NKAIN2: variants seen among roughly 807,000 people sequenced by gnomAD.
NKAIN2 encodes the protein sodium/potassium-transporting ATPase subunit beta-1-interacting protein 2.
Under a neutral mutation model 32.6 loss-of-function variants are expected in NKAIN2, and 14 were observed. That is an observed-to-expected ratio of 0.43 (90% CI 0.28 to 0.67). The LOEUF (loss-of-function observed/expected upper bound fraction) is 0.67, where lower values mean the gene tolerates loss of function less well. Among genes scored for constraint, NKAIN2 ranks in the 30% least tolerant of loss-of-function variants. The pLI is 0.17. For missense variants in NKAIN2, 198 were observed against 258.3 expected (o/e 0.77, Z 1.60); for synonymous variants, 80 against 87.2 (o/e 0.92, Z 0.46).
At chr6:124,823,093 C>A (rs548568264) in intron 6 of NKAIN2, 127 bp from the exon 7 acceptor site, 2 of 761,004 alleles carry the variant, frequency 2.6e-6, no homozygotes, top group East Asian at 2.5e-5. Flanking sequence ...TATTTAAAAC[C>A]CAATTTGGGC....
chr6:124,779,241 CAAAGAAAG>C (rs1374452849), intron 4 of NKAIN2, among the ~76,000 whole-genome samples: 1,022 of 90,954 alleles, frequency 0.011, 83 homozygotes, highest in African/African-American at 0.038. Context: ...CAGACTCCAA[CAAAGAAAG>C]AGAGAGAGAG....
chr6:124,539,581 G>A (rs1006453402), intron 3 of NKAIN2, among the ~76,000 whole-genome samples: 18 of 151,836 alleles, frequency 1.2e-4, no homozygotes, highest in African/African-American at 4.1e-4. Context: ...TTAAAAACAA[G>A]TAAGAAGAAT....
At chr6:124,432,606 C>A (rs1775265180) in intron 3 of NKAIN2, among the ~76,000 whole-genome samples, 1 of 151,872 alleles carries the variant, frequency 6.6e-6, no homozygotes, top group South Asian at 2.1e-4. Context: ...AGACCTGACT[C>A]AAAAATCTAA....
intron 1 of NKAIN2, among the ~76,000 whole-genome samples, chr6:123,868,115 A>G (rs558032067): frequency 1.6e-3 from 239 of 152,036 alleles, no homozygotes; most frequent in African/African-American, 3.4e-3. Flanking sequence ...TGATCTGCCC[A>G]CCTTGGCCTC....
intron 1 of NKAIN2, among the ~76,000 whole-genome samples, chr6:123,893,511 A>G (rs1192626310): frequency 1.3e-5 from 2 of 152,182 alleles, no homozygotes; most frequent in Non-Finnish European, 2.9e-5. Flanking sequence ...CTAGCCTAAT[A>G]TAGAATCTTA....
At chr6:124,121,097 G>A (rs1324156354) in intron 1 of NKAIN2, among the ~76,000 whole-genome samples, 2 of 152,088 alleles carry the variant, frequency 1.3e-5, no homozygotes, top group Non-Finnish European at 2.9e-5. Flanking sequence ...CAAACGGATA[G>A]AAATTTAACC....
intron 1 of NKAIN2, among the ~76,000 whole-genome samples, chr6:123,861,837 T>A (rs1775797138): frequency 6.6e-6 from 1 of 152,164 alleles, no homozygotes; most frequent in African/African-American, 2.4e-5. Flanking sequence ...TTAATTTTCC[T>A]TTAATTTATT....
chr6:124,394,338 T>C (rs1472186476), intron 3 of NKAIN2, among the ~76,000 whole-genome samples: 9 of 152,144 alleles, frequency 5.9e-5, no homozygotes, highest in African/African-American at 1.9e-4. Flanking sequence ...ACTCTTTTTC[T>C]TGGCTTCCTT....
intron 1 of NKAIN2, among the ~76,000 whole-genome samples, chr6:124,082,415 T>C (rs1275720469): frequency 1.3e-5 from 2 of 152,058 alleles, no homozygotes; most frequent in East Asian, 3.9e-4. Flanking sequence ...TGTGAGAAAT[T>C]TATGCAAAAG....
chr6:124,471,735 C>A lies in NKAIN2; in HGVS notation c.273+116388C>A, dbSNP rs147277719. Among the ~76,000 whole-genome samples the A allele has an allele frequency of 4.2e-4, 64 of 152,172 alleles. 1 individual carries two copies. The East Asian group carries it at 0.012, about 28-fold the overall frequency. On this transcript the variant is annotated intron_variant, in intron 3 of 6. Transcript: ENST00000368417. ...ATGCAAAGATACTCAATGAGAAGTT[C>A]TTTTAATTAAGTACATTTAGACCTA...
At chr6:124,221,388 A>G (rs1193376413) in intron 1 of NKAIN2, among the ~76,000 whole-genome samples, 1 of 125,708 alleles carries the variant, frequency 8.0e-6, no homozygotes, top group Non-Finnish European at 1.6e-5. Context: ...GGGGAACATC[A>G]CACTCTGGGG....
intron 1 of NKAIN2, among the ~76,000 whole-genome samples, chr6:124,115,034 G>C (rs1384687416): frequency 6.6e-6 from 1 of 152,106 alleles, no homozygotes; most frequent in East Asian, 1.9e-4. Context: ...AAATGTGTGT[G>C]TGTATGTATT....
chr6:124,638,044 G>A (rs950587380), intron 3 of NKAIN2, among the ~76,000 whole-genome samples: 4 of 152,050 alleles, frequency 2.6e-5, no homozygotes, highest in Non-Finnish European at 5.9e-5. Context: ...CCAAAACATA[G>A]TATTGGTTCA....
chr6:124,408,620 T>A (rs960436061), intron 3 of NKAIN2, among the ~76,000 whole-genome samples: 64 of 152,206 alleles, frequency 4.2e-4, no homozygotes, highest in African/African-American at 1.4e-3. Flanking sequence ...AAGTTTGAAG[T>A]CAGGTAGTGT....
At chr6:124,426,267 T>G (rs927506856) in intron 3 of NKAIN2, among the ~76,000 whole-genome samples, 7 of 152,188 alleles carry the variant, frequency 4.6e-5, no homozygotes, top group African/African-American at 1.7e-4. Flanking sequence ...CTTTGTGATT[T>G]TAAATGAGGA....
intron 3 of NKAIN2, among the ~76,000 whole-genome samples, chr6:124,640,703 T>C (rs529054570): frequency 6.6e-6 from 1 of 152,206 alleles, no homozygotes; most frequent in Non-Finnish European, 1.5e-5. Context: ...TTGCCAAACT[T>C]AGATCCCACT....
intron 1 of NKAIN2, among the ~76,000 whole-genome samples, chr6:124,128,802 G>A (rs1303386717): frequency 1.3e-5 from 2 of 152,060 alleles, no homozygotes; most frequent in African/African-American, 4.8e-5. Flanking sequence ...TCTTCTTGAG[G>A]TGTTATATTT....
chr6:123,911,939 A>C (rs929001520), intron 1 of NKAIN2, among the ~76,000 whole-genome samples: 1 of 150,574 alleles, frequency 6.6e-6, no homozygotes, highest in African/African-American at 2.4e-5. Context: ...TTTTCACTGA[A>C]TTCAGTCTAT....
At chr6:124,009,943 G>A (rs1335073881) in intron 1 of NKAIN2, among the ~76,000 whole-genome samples, 1 of 151,744 alleles carries the variant, frequency 6.6e-6, no homozygotes, top group Admixed American at 6.6e-5. Context: ...ATGTATATAT[G>A]TGTGTGTGTG....
Sources: allele counts gnomAD v4.1 joint callset (sites outside exome capture counted in the v4.1 genomes callset), GRCh38; gene constraint gnomAD v4.1.1; transcripts MANE v1.5; gene names NCBI Gene and HGNC (gene_info 2026-07-23, HGNC 2026-07-21).